Variants in SCN4A observed in about 807,000 individuals in gnomAD.
SCN4A encodes the protein sodium channel protein type 4 subunit alpha.
A neutral mutation model predicts 162.0 loss-of-function variants in SCN4A; 83 were observed. That is an observed-to-expected ratio of 0.51 (90% CI 0.43 to 0.61). The LOEUF (loss-of-function observed/expected upper bound fraction) is 0.61. Ranked by LOEUF, SCN4A falls within the 20% of genes least tolerant of loss-of-function variation. The pLI is 0.00. For missense variants in SCN4A, 2,196 were observed against 2,462.5 expected, an observed-to-expected ratio of 0.89 and a Z score of 2.29; for synonymous variants, 944 against 985.1, an observed-to-expected ratio of 0.96 and a Z score of 0.78.
Position 63,959,363 on chromosome 17 carries a change from C to T in SCN4A, c.1921G>A (p.Gly641Ser). 3 of 1,613,918 alleles carry T rather than the reference C, an allele frequency of 1.9e-6. No individual in the cohort carries two copies. Reference sequence around the variant, plus strand: ...ATGATGCTGTCGAAGATATTCCAACCCTGCTGGAAATACTCGTAGGGGTCC... The same window carrying T: ...ATGATGCTGTCGAAGATATTCCAACTCTGCTGGAAATACTCGTAGGGGTCC... ...AMDPYEYFQQ[G>S]WNIFDSIIVT... The change falls in exon 12 of 24, where the codon GGT becomes AGT. Residue 641 changes from glycine (G) to serine (S), a missense_variant. Coordinates refer to ENST00000435607, the MANE Select transcript of SCN4A (RefSeq NM_000334.4).
chr17:63,971,267 G>T lies in SCN4A; in HGVS notation c.612-14C>A, dbSNP rs1194255496. 2.1e-6 allele frequency: 3 copies of T among 1,459,834 alleles called. No individual in the cohort carries two copies. The highest frequency in any genetic ancestry group is 2.8e-6 in the Non-Finnish European group (3 of 1,064,266). The allele number at this position is 1,459,834 out of a possible 1,614,324, so 90.4% of individuals were successfully genotyped here. ...TCTGTCAGGTACCTGGGTAGGGGGT[G>T]GAGGGGGGTGGGGACTGTCAGAGCC... On this transcript the variant is annotated splice_polypyrimidine_tract_variant and intron_variant, in intron 4 of 23. Transcript: ENST00000435607.
At chr17:63,946,649 G>T (rs1908735008) in intron 18 of SCN4A, among the ~76,000 whole-genome samples, 1 of 152,092 alleles carries the variant, frequency 6.6e-6, no homozygotes, top group Admixed American at 6.5e-5. Context: ...CAAAGCCCTG[G>T]GTGGCTCAGT....
intron 13 of SCN4A, among the ~76,000 whole-genome samples, chr17:63,953,100 C>T (rs1040218283): frequency 1.3e-5 from 2 of 152,194 alleles, no homozygotes; most frequent in African/African-American, 2.4e-5. Flanking sequence ...GTGGCTCACA[C>T]CTATAATCCC....
At chr17:63,949,751 G>A in intron 14 of SCN4A, 1 of 479,586 alleles carries the variant, frequency 2.1e-6, no homozygotes. Context: ...GTGGGGCGGG[G>A]CTGATGCCTG....
chr17:63,971,738 T>C lies in SCN4A; in HGVS notation c.595A>G (p.Ser199Gly), dbSNP rs1311882784. The C allele has an allele frequency of 6.2e-6, 10 of 1,603,028 alleles. No individual in the cohort carries two copies. Among genetic ancestry groups the C allele is most frequent in the Non-Finnish European group, 8.5e-6 (10 of 1,174,914 alleles). The change falls in exon 4 of 24, where the codon AGT (serine) becomes GGT (glycine). Residue 199 changes from serine to glycine, a missense_variant. Coordinates refer to ENST00000435607, the MANE Select transcript of SCN4A (RefSeq NM_000334.4). ...LRDPWNWLDF[S>G]VIMMAYLTEF... is the part of the protein sequence containing the mutation. ...CCTGCTCACGCCATCATGATGACAC[T>C]GAAGTCCAGCCAGTTCCAGGGGTCC...
rs573050612 is a variant in SCN4A, at chr17:63,958,353, T to TA, written c.2020-836dup. Among the ~76,000 whole-genome samples, 1,117 of 146,288 alleles carry TA rather than the reference T, an allele frequency of 7.6e-3. 21 individuals carry two copies. Among genetic ancestry groups the TA allele is most frequent in the African/African-American group, 0.026 (1,035 of 40,066 alleles). On this transcript the variant is annotated intron_variant, in intron 12 of 23. Transcript: ENST00000435607. ...GCCTGGGTGACAGAGAAACCCTGTC[T>TA]AAAAAAAAAAATACAGACTAAAGTA...
In SCN4A at chr17:63,951,983, G is replaced by T; in HGVS notation, c.2377-83C>A. ...CCTTCAGCCAGCACAGGGGTCCTCG[G>T]TCTACAGATCCAAACTACCACATGT... On this transcript the variant is annotated intron_variant, in intron 13 of 23. Coordinates refer to ENST00000435607, the MANE Select transcript of SCN4A (RefSeq NM_000334.4). The surrounding 1 kb of genome is among the most constrained non-coding windows in gnomAD (Gnocchi z 4.5). 1.3e-6 allele frequency: 1 copy of T among 794,212 alleles called. No homozygotes were observed. Among genetic ancestry groups the T allele is most frequent in the Non-Finnish European group, 2.0e-6 (1 of 511,266 alleles). The allele number at this position is 794,212 out of a possible 1,614,324, so 49.2% of individuals were successfully genotyped here. A position where few individuals can be genotyped will look rare whatever the true frequency, so the allele number is the denominator to read the frequency against.
At position 63,944,722 on chromosome 17, in the gene SCN4A, T is replaced by A. The variant is rs748965677; in HGVS notation, c.3863A>T (p.Asn1288Ile). Residue 1288 changes from asparagine (N) to isoleucine (I), a missense_variant, in exon 21 of 24, where the codon AAC (asparagine) becomes ATC (isoleucine). By Grantham distance (149) the Asn-to-Ile change is moderately radical (BLOSUM62 -3). Transcript: ENST00000435607. The surrounding 1 kb of genome is among the most constrained non-coding windows in gnomAD (Gnocchi z 4.3). The part of the protein sequence containing the change: ...FIIFGSFFTL[N>I]LFIGVIIDNF... Reference sequence around the variant, plus strand: ...GTCAATGATGACGCCAATGAAGAGGTTGAGGGTGAAGAAGGAGCCAAAGAT... The same window carrying A: ...GTCAATGATGACGCCAATGAAGAGGATGAGGGTGAAGAAGGAGCCAAAGAT... 6.2e-7 allele frequency: 1 copy of A among 1,612,858 alleles called. No homozygotes were observed.
intron 8 of SCN4A, 105 bp downstream of exon 8, chr17:63,965,996 TC>T (rs1567826848): frequency 2.6e-6 from 2 of 760,750 alleles, no homozygotes; most frequent in Non-Finnish European, 4.4e-6. Flanking sequence ...ATGGCCCAGT[TC>T]GGGGGTTGGC....
chr17:63,954,935 C>T (rs1011057677), intron 13 of SCN4A, among the ~76,000 whole-genome samples: 2 of 152,188 alleles, frequency 1.3e-5, no homozygotes, highest in African/African-American at 4.8e-5. Context: ...ACAGACTCAC[C>T]TCCCTGAGCC....
In SCN4A at chr17:63,947,928, T is replaced by C. The variant is rs768874826; in HGVS notation, c.3280A>G (p.Thr1094Ala). The change falls in exon 17 of 24, where the codon ACC becomes GCC. Residue 1094 changes from threonine to alanine, a missense_variant. Transcript: ENST00000435607. The part of the protein sequence containing the change: ...WVAYGFKVYF[T>A]NAWCWLDFLI... ...AAGTCGAGCCAGCACCAGGCGTTGG[T>C]GAAGTACACCTTAAAGCCGTAGGCC... 10 of 1,613,798 alleles carry C rather than the reference T, an allele frequency of 6.2e-6. No homozygotes were observed. The highest frequency in any genetic ancestry group is 8.5e-6 in the Non-Finnish European group (10 of 1,179,814).
In SCN4A at chr17:63,942,962, G is replaced by C. The variant is rs1280982024; in HGVS notation, c.4152C>G (p.Ile1384Met). 6.2e-7 allele frequency: 1 copy of C among 1,613,996 alleles called. No individual in the cohort carries two copies. Among genetic ancestry groups the C allele is most frequent in the South Asian group, 1.1e-5 (1 of 91,088 alleles). Residue 1384 changes from isoleucine to methionine, a missense_variant, in exon 23 of 24, where the codon ATC (isoleucine) becomes ATG (methionine). Coordinates refer to ENST00000435607, the MANE Select transcript of SCN4A (RefSeq NM_000334.4). ...TGAAGATCATGTTGATGTTGTACAG[G>C]ATGTCCACCTTGAGCTGGCTCTGGT... ...TDNQSQLKVD[I>M]LYNINMIFII...
chr17:63,971,120 G>T, intron 5 of SCN4A, 42 bp downstream of exon 5: 1 of 1,292,414 alleles, frequency 7.7e-7, no homozygotes, highest in Non-Finnish European at 1.1e-6. Flanking sequence ...TGGTACGGGG[G>T]TCTCTCAGCT....
In SCN4A at chr17:63,949,517, C is replaced by T. The variant is rs1484015037; in HGVS notation, c.2865G>A (p.Gln955=). 6.2e-7 allele frequency: 1 copy of T among 1,608,374 alleles called. No individual in the cohort carries two copies. The highest frequency in any genetic ancestry group is 1.7e-5 in the Admixed American group (1 of 59,724). The change falls in exon 15 of 24, where the codon CAG becomes CAA. Residue 955 remains glutamine, a synonymous_variant. Coordinates refer to ENST00000435607, the MANE Select transcript of SCN4A (RefSeq NM_000334.4). ...SEPEDSKKPP[Q]PLYDGNSSVC... is the part of the protein sequence containing the mutation. The stretch of plus-strand genomic sequence containing the variant: ...CGGACGAGTTCCCATCATAGAGAGG[C>T]TGCGGCGGCTTCTGCGGAGGCCACA...
rs78592515 is a variant in SCN4A at position 63,972,790 on chromosome 17, G to C, written c.52C>G (p.Arg18Gly). The change falls in exon 1 of 24, where the codon CGC becomes GGC. Residue 18 changes from arginine (R) to glycine (G), a missense_variant. Arg to Gly is a moderately radical substitution (Grantham distance 125). Transcript: ENST00000435607. The surrounding 1 kb of genome is among the most constrained non-coding windows in gnomAD (Gnocchi z 4.3). ...TLVPLGPECLRPFTRESLAAI... is the reference protein window; with the variant it reads ...TLVPLGPECLGPFTRESLAAI... Reference sequence around the variant, plus strand: ...GCCAGTGACTCCCGGGTGAAGGGGCGCAAGCACTCAGGGCCCAGAGGCACC... The same window carrying C: ...GCCAGTGACTCCCGGGTGAAGGGGCCCAAGCACTCAGGGCCCAGAGGCACC... The C allele has an allele frequency of 3.1e-6, 5 of 1,613,514 alleles. No homozygotes were observed. Among genetic ancestry groups the C allele is most frequent in the African/African-American group, 1.3e-5 (1 of 75,048 alleles).
intron 13 of SCN4A, among the ~76,000 whole-genome samples, chr17:63,955,494 C>T (rs1029783204): frequency 1.3e-5 from 2 of 152,228 alleles, no homozygotes; most frequent in Non-Finnish European, 2.9e-5. Flanking sequence ...TTTTCATCCC[C>T]GTTTTCCAGA....
chr17:63,972,805 C>T lies in SCN4A; in HGVS notation c.37G>A (p.Gly13Ser). 6.2e-7 allele frequency: 1 copy of T among 1,613,372 alleles called. No homozygotes were observed. The highest frequency in any genetic ancestry group is 8.5e-7 in the Non-Finnish European group (1 of 1,179,642). ...GTGAAGGGGCGCAAGCACTCAGGGC[C>T]CAGAGGCACCAGGGTGCACAGAGAT... ...RPSLCTLVPL[G>S]PECLRPFTRE... is the part of the protein sequence containing the mutation. The change falls in exon 1 of 24, where the codon GGC (glycine) becomes AGC (serine). Residue 13 changes from glycine (G) to serine (S), a missense_variant. By Grantham distance (56) the Gly-to-Ser change is moderately conservative. Coordinates refer to ENST00000435607, the MANE Select transcript of SCN4A (RefSeq NM_000334.4). The surrounding 1 kb of genome is among the most constrained non-coding windows in gnomAD (Gnocchi z 4.3).
In SCN4A at chr17:63,951,393, C is replaced by A; in HGVS notation, c.2853+31G>T. 6.8e-7 allele frequency: 1 copy of A among 1,460,048 alleles called. No homozygotes were observed. The highest frequency in any genetic ancestry group is 1.3e-5 in the South Asian group (1 of 75,440). 90.4% of individuals were successfully genotyped at this position (1,460,048 alleles called of 1,614,324 possible). A position where few individuals can be genotyped will look rare whatever the true frequency, so the allele number is the denominator to read the frequency against. ...TCCAGGTCACAGGAGAATTTGAAGC[C>A]GGGTCTGTCTGAGCCCCAGCCCCGG... is the stretch of plus-strand genomic sequence containing the variant. On this transcript the variant is annotated intron_variant, in intron 14 of 23. Transcript: ENST00000435607. This position sits in a 1 kb window ranked among gnomAD's most constrained non-coding sequence, Gnocchi z 4.5.
At chr17:63,949,698 C>T (rs73326335) in intron 14 of SCN4A, 170 bp from the exon 15 acceptor site, 11 of 719,422 alleles carry the variant, frequency 1.5e-5, no homozygotes, top group East Asian at 1.2e-4. Flanking sequence ...ACCACGGGGA[C>T]GTAGGTGGCC....
Sources: gnomAD v4.1 joint callset for allele counts (sites outside exome capture counted in the v4.1 genomes callset) on GRCh38, gnomAD v4.1.1 for gene constraint, Gnocchi (gnomAD v3.1) non-coding constraint, MANE v1.5 for transcripts, NCBI Gene and HGNC (gene_info 2026-07-23, HGNC 2026-07-21) for gene names.